The following SDK2 variants were observed in gnomAD, a reference collection of about 807,000 sequenced individuals.
SDK2 encodes protein sidekick-2.
In SDK2, 105 loss-of-function variants were observed where a neutral mutation model predicts 253.9. The observed-to-expected ratio is 0.41, with a 90% CI of 0.35 to 0.49. SDK2 has a LOEUF of 0.49. Among genes scored for constraint, SDK2 ranks in the 20% least tolerant of loss-of-function variants. The pLI is 0.06. For missense variants in SDK2, 2,608 were observed against 3,003.0 expected, an observed-to-expected ratio of 0.87 and a Z score of 3.07; for synonymous variants, 1,249 against 1,234.9, an observed-to-expected ratio of 1.01 and a Z score of -0.24.
chr17:73,425,283 G>A (rs1427014484), intron 12 of SDK2, among the ~76,000 whole-genome samples: 1 of 151,940 alleles, frequency 6.6e-6, no homozygotes, highest in African/African-American at 2.4e-5. Context: ...AAAAAGTACG[G>A]GTAAGAAAAA....
Position 73,388,012 on chromosome 17 carries a change from C to T in SDK2, c.4218G>A (p.Pro1406=), listed in dbSNP as rs147384840. 11,191 of 1,568,924 alleles carry T rather than the reference C, an allele frequency of 7.1e-3. 55 individuals are homozygous for T. The highest frequency in any genetic ancestry group is 8.1e-3 in the Non-Finnish European group (9,348 of 1,157,816). Residue 1406 remains proline, a synonymous_variant, in exon 30 of 45, where the codon CCG becomes CCA. Coordinates refer to ENST00000392650, the MANE Select transcript of SDK2 (RefSeq NM_001144952.2). Reference sequence around the variant, plus strand: ...CTCTCACATCCTCCTGCTGCACCATCGGCCTGCTGGGGGGCTGCGGACGGT... The same window carrying T: ...CTCTCACATCCTCCTGCTGCACCATTGGCCTGCTGGGGGGCTGCGGACGGT... The part of the protein sequence containing the change: ...KRDRPQPPSR[P]MVQQEDVRAR...
intron 3 of SDK2, among the ~76,000 whole-genome samples, chr17:73,464,735 G>C (rs1030568051): frequency 2.6e-5 from 4 of 152,070 alleles, no homozygotes; most frequent in Admixed American, 2.6e-4. Context: ...TTTGAGACTC[G>C]ATTCCATGTC....
Position 73,338,857 on chromosome 17 carries a change from G to A in SDK2, c.6249C>T (p.Tyr2083=), listed in dbSNP as rs1326172955. 8 of 1,613,906 alleles carry A rather than the reference G, an allele frequency of 5.0e-6. No homozygotes were observed. The highest frequency in any genetic ancestry group is 1.3e-5 in the African/African-American group (1 of 74,918). ...FVNHYISDPT[Y]YNSWRRQQKG... ...TCTGCTGTCGCCGCCACGAGTTGTA[G>A]TATGTGGGGTCACTGATGTAGTGGT... The change falls in exon 45 of 45, where the codon TAC becomes TAT. Residue 2083 remains tyrosine, a synonymous_variant. Transcript: ENST00000392650. This position sits in a 1 kb window ranked among gnomAD's most constrained non-coding sequence, Gnocchi z 5.0.
chr17:73,535,139 G>A (rs1052091757), intron 1 of SDK2, among the ~76,000 whole-genome samples: 3 of 152,208 alleles, frequency 2.0e-5, no homozygotes, highest in Admixed American at 1.3e-4. Context: ...TGGCCTCGAC[G>A]CCAAGCCTCA....
At position 73,350,190 on chromosome 17, in the gene SDK2, T is replaced by TGGGCACTGCTGGGCCTGGCCCCCCACCC. The variant is rs149822544; in HGVS notation, c.6038+46_6038+47insGGGTGGGGGGCCAGGCCCAGCAGTGCCC. 10 of 163,650 alleles carry TGGGCACTGCTGGGCCTGGCCCCCCACCC rather than the reference T, an allele frequency of 6.1e-5. No homozygotes were observed. In the Admixed American group the frequency reaches 6.2e-4, roughly 10 times the overall value. 10.1% of individuals were successfully genotyped at this position (163,650 alleles called of 1,614,324 possible). A position where few individuals can be genotyped will look rare whatever the true frequency, so the allele number is the denominator to read the frequency against. On this transcript the variant is annotated intron_variant, in intron 43 of 44. Coordinates refer to ENST00000392650, the MANE Select transcript of SDK2 (RefSeq NM_001144952.2). ...GGCCTTCCCCAGCATTCTCCCCACC[T>TGGGCACTGCTGGGCCTGGCCCCCCACCC]GGGCACTGCTGGGCCTGGCCCCCAA... is the stretch of plus-strand genomic sequence containing the variant.
chr17:73,373,869 T>TCAGGTG (rs1337159986), intron 36 of SDK2, among the ~76,000 whole-genome samples: 1 of 150,080 alleles, frequency 6.7e-6, no homozygotes, highest in Non-Finnish European at 1.5e-5. Flanking sequence ...ACTACTGACC[T>TCAGGTG]CAGGTGATCT....
intron 40 of SDK2, among the ~76,000 whole-genome samples, chr17:73,355,871 C>T (rs774605619): frequency 6.6e-6 from 1 of 152,254 alleles, no homozygotes; most frequent in South Asian, 2.1e-4. Flanking sequence ...AATTTTAGTA[C>T]TGGGGTACAA....
intron 24 of SDK2, among the ~76,000 whole-genome samples, chr17:73,396,819 G>T (rs1472499148): frequency 6.6e-6 from 1 of 152,202 alleles, no homozygotes; most frequent in African/African-American, 2.4e-5. Context: ...GGGTGGGGAT[G>T]CCTGGGAGCA....
chr17:73,387,714 TAGG>T (rs2062884717), intron 30 of SDK2, 119 bp downstream of exon 30: 1 of 849,586 alleles, frequency 1.2e-6, no homozygotes, highest in Middle Eastern at 3.6e-4. Context: ...GTGGTGCATG[TAGG>T]AGGAGAGCTG....
At chr17:73,367,512 T>A (rs998986385) in intron 37 of SDK2, among the ~76,000 whole-genome samples, 3 of 151,554 alleles carry the variant, frequency 2.0e-5, no homozygotes, top group African/African-American at 4.8e-5. Flanking sequence ...TGTCTTTTTT[T>A]TTTTTGGGAC....
At chr17:73,407,133 AC>A (rs2063085769) in intron 18 of SDK2, among the ~76,000 whole-genome samples, 1 of 152,128 alleles carries the variant, frequency 6.6e-6, no homozygotes. Flanking sequence ...AGAAACAACA[AC>A]CATTTCTGGA....
chr17:73,438,318 G>A (rs2063387275), intron 6 of SDK2, among the ~76,000 whole-genome samples, 164 bp from the exon 7 acceptor site: 1 of 152,182 alleles, frequency 6.6e-6, no homozygotes, highest in Non-Finnish European at 1.5e-5. Flanking sequence ...GTTCCCACAG[G>A]GCTCTGGGTC....
chr17:73,533,119 A>T (rs1033601523), intron 1 of SDK2, among the ~76,000 whole-genome samples: 1 of 151,954 alleles, frequency 6.6e-6, no homozygotes, highest in Non-Finnish European at 1.5e-5. Context: ...CCCCTACGGG[A>T]CGCAGGCAGT....
intron 38 of SDK2, among the ~76,000 whole-genome samples, chr17:73,364,909 C>T (rs1202543382): frequency 6.6e-6 from 1 of 152,150 alleles, no homozygotes; most frequent in Non-Finnish European, 1.5e-5. Flanking sequence ...AGGCGTGAGC[C>T]ACCGTCCTTG....
At chr17:73,400,614 T>A (rs1249255433) in intron 21 of SDK2, among the ~76,000 whole-genome samples, 1 of 150,622 alleles carries the variant, frequency 6.6e-6, no homozygotes, top group Non-Finnish European at 1.5e-5. Context: ...GGGGAGAGCC[T>A]GTGGGAAGAA....
intron 12 of SDK2, among the ~76,000 whole-genome samples, chr17:73,425,799 G>A (rs989297759): frequency 6.6e-6 from 1 of 151,950 alleles, no homozygotes; most frequent in Non-Finnish European, 1.5e-5. Context: ...GAGCCACCAC[G>A]CCTGGCCTTG....
chr17:73,465,570 AAAG>A lies in SDK2; in HGVS notation c.331+6539_331+6541del, dbSNP rs1397071137. 2.0e-5 allele frequency among the ~76,000 whole-genome samples: 3 copies of A among 152,100 alleles called. No homozygotes were observed. The highest frequency in any genetic ancestry group is 4.4e-5 in the Non-Finnish European group (3 of 68,010). On this transcript the variant is annotated intron_variant, in intron 3 of 44. Coordinates refer to ENST00000392650, the MANE Select transcript of SDK2 (RefSeq NM_001144952.2). This position sits in a 1 kb window ranked among gnomAD's most constrained non-coding sequence, Gnocchi z 4.2. ...AATTTATGGTGACTTAAAAAAACAC[AAAG>A]AAGAGACTCCAAGTGGGGACAGGAA...
At chr17:73,624,527 G>A (rs1319324926) in intron 1 of SDK2, among the ~76,000 whole-genome samples, 1 of 152,206 alleles carries the variant, frequency 6.6e-6, no homozygotes, top group African/African-American at 2.4e-5. Flanking sequence ...TTTTTTAGAA[G>A]AGTAGAGACC....
intron 37 of SDK2, 79 bp from the exon 38 acceptor site, chr17:73,365,474 C>A: frequency 2.1e-6 from 3 of 1,432,280 alleles, no homozygotes; most frequent in South Asian, 2.8e-5. Flanking sequence ...AAGGAGCTAG[C>A]GGGAGTATTG....
Sources: gnomAD v4.1 joint callset for allele counts (sites outside exome capture counted in the v4.1 genomes callset) on GRCh38, gnomAD v4.1.1 for gene constraint, Gnocchi (gnomAD v3.1) non-coding constraint, MANE v1.5 for transcripts, NCBI Gene and HGNC (gene_info 2026-07-23, HGNC 2026-07-21) for gene names.